EXOC4: variants seen among roughly 807,000 people sequenced by gnomAD.
The protein encoded by EXOC4 is exocyst complex component 4.
In EXOC4, 71 loss-of-function variants were observed where a neutral mutation model predicts 107.2. The ratio of observed to expected loss-of-function variants is 0.66; its 90% CI spans 0.55 to 0.81. The LOEUF is 0.81. Ranked by LOEUF, EXOC4 falls within the 30% of genes least tolerant of loss-of-function variation. EXOC4 has a pLI of 0.00. For synonymous variants in EXOC4, 456 were observed against 441.2 expected, an observed-to-expected ratio of 1.03 and a Z score of -0.42; for missense variants, 1,108 against 1,189.6, an observed-to-expected ratio of 0.93 and a Z score of 1.01.
intron 7 of EXOC4, among the ~76,000 whole-genome samples, chr7:133,394,330 T>G (rs964567230): frequency 1.3e-5 from 2 of 152,228 alleles, no homozygotes; most frequent in African/African-American, 4.8e-5. Context: ...ATTTAAAAAT[T>G]TTTCCTTCAT....
chr7:133,422,653 G>A (rs1227815363), intron 7 of EXOC4, among the ~76,000 whole-genome samples: 1 of 151,986 alleles, frequency 6.6e-6, no homozygotes, highest in African/African-American at 2.4e-5. Flanking sequence ...GGCTCATGGA[G>A]CTCTTCAAAA....
intron 1 of EXOC4, among the ~76,000 whole-genome samples, chr7:133,262,045 C>T (rs1184384605): frequency 3.9e-5 from 6 of 152,166 alleles, no homozygotes; most frequent in Middle Eastern, 3.4e-3. Context: ...TGTTTTGAAA[C>T]GGGTTTTGTT....
intron 12 of EXOC4, among the ~76,000 whole-genome samples, chr7:133,912,767 G>A (rs1209185957): frequency 6.6e-6 from 1 of 152,134 alleles, no homozygotes; most frequent in Non-Finnish European, 1.5e-5. Context: ...AAAAAGTGTA[G>A]TAGGACCAGT....
chr7:133,331,557 T>C (rs1795392893), intron 5 of EXOC4, among the ~76,000 whole-genome samples: 1 of 142,402 alleles, frequency 7.0e-6, no homozygotes, highest in South Asian at 2.3e-4. Flanking sequence ...CTCCGCCCCC[T>C]GGGGTTCATG....
At chr7:133,290,729 C>T (rs1266400851) in intron 3 of EXOC4, among the ~76,000 whole-genome samples, 2 of 152,178 alleles carry the variant, frequency 1.3e-5, no homozygotes, top group Non-Finnish European at 2.9e-5. Context: ...TGAATACTGT[C>T]CCTTTTTTTC....
intron 17 of EXOC4, among the ~76,000 whole-genome samples, chr7:134,026,746 T>TA (rs1262360379): frequency 6.6e-6 from 1 of 152,102 alleles, no homozygotes; most frequent in Non-Finnish European, 1.5e-5. Flanking sequence ...TTGAAATCGT[T>TA]AGAGAAAATG....
At chr7:133,723,704 T>A (rs1256205240) in intron 10 of EXOC4, among the ~76,000 whole-genome samples, 1 of 152,184 alleles carries the variant, frequency 6.6e-6, no homozygotes, top group Non-Finnish European at 1.5e-5. Context: ...TTGGTTGGGC[T>A]GTACTTAGAC....
In EXOC4 at chr7:134,009,316, A is replaced by G. The variant is rs144607810; in HGVS notation, c.2687+1481A>G. The stretch of plus-strand genomic sequence containing the variant: ...CAATTTATGGAGATGATGAAATATT[A>G]TATTACTTCAACAATTGTAAAGACA... On this transcript the variant is annotated intron_variant, in intron 17 of 17. Coordinates refer to ENST00000253861, the MANE Select transcript of EXOC4 (RefSeq NM_021807.4). Among the ~76,000 whole-genome samples, 321 of 152,276 alleles carry G rather than the reference A, an allele frequency of 2.1e-3. 1 individual carries two copies. Among genetic ancestry groups the G allele is most frequent in the African/African-American group, 7.6e-3 (315 of 41,554 alleles).
intron 7 of EXOC4, among the ~76,000 whole-genome samples, chr7:133,447,635 A>C (rs1463807425): frequency 6.6e-6 from 1 of 152,044 alleles, no homozygotes. Flanking sequence ...ATAAATGTAG[A>C]TATGTATATT....
intron 9 of EXOC4, among the ~76,000 whole-genome samples, chr7:133,509,411 G>C (rs988584475): frequency 4.0e-5 from 6 of 151,440 alleles, no homozygotes; most frequent in African/African-American, 2.4e-5. Flanking sequence ...CTGGGCAACA[G>C]AGCAAGACTC....
chr7:133,745,449 A>G (rs917796613), intron 10 of EXOC4, among the ~76,000 whole-genome samples: 6 of 152,106 alleles, frequency 3.9e-5, no homozygotes, highest in African/African-American at 7.2e-5. Flanking sequence ...ATATTAAATG[A>G]CTAACATATA....
At chr7:133,899,967 G>T (rs1334085088) in intron 12 of EXOC4, among the ~76,000 whole-genome samples, 4 of 151,934 alleles carry the variant, frequency 2.6e-5, no homozygotes, top group Non-Finnish European at 4.4e-5. Flanking sequence ...GGCTGGTCTC[G>T]ATCGAATTCC....
rs1685423513 is a variant in EXOC4, at chr7:133,583,076, G to A, written c.1418-46969G>A. 2.6e-5 allele frequency among the ~76,000 whole-genome samples: 4 copies of A among 152,174 alleles called. No individual in the cohort carries two copies. The South Asian group carries it at 8.3e-4, about 32-fold the overall frequency. On this transcript the variant is annotated intron_variant, in intron 9 of 17. Transcript: ENST00000253861. Reference sequence around the variant, plus strand: ...TTTAGTATATTCACTGAGTTGTACAGCCACTGCTCCGTTCTAATTTTACAA... The same window carrying A: ...TTTAGTATATTCACTGAGTTGTACAACCACTGCTCCGTTCTAATTTTACAA...
chr7:133,617,617 G>T (rs17658042), intron 9 of EXOC4, among the ~76,000 whole-genome samples: 21,454 of 152,040 alleles, frequency 0.14, 1,987 homozygotes, highest in Non-Finnish European at 0.2. Context: ...GTGCAACCTG[G>T]GGAGTCTGAC....
At chr7:133,388,802 A>G (rs922128786) in intron 7 of EXOC4, among the ~76,000 whole-genome samples, 10 of 152,220 alleles carry the variant, frequency 6.6e-5, no homozygotes, top group African/African-American at 1.9e-4. Flanking sequence ...TTTGATTAAT[A>G]CATTAAGATT....
chr7:133,964,903 A>G (rs1438320841), intron 14 of EXOC4, among the ~76,000 whole-genome samples: 2 of 152,218 alleles, frequency 1.3e-5, no homozygotes, highest in Non-Finnish European at 2.9e-5. Flanking sequence ...AGGAATCGCC[A>G]CACTGTCTTC....
chr7:133,323,416 C>T (rs548506179), intron 5 of EXOC4, among the ~76,000 whole-genome samples: 9 of 152,086 alleles, frequency 5.9e-5, no homozygotes, highest in South Asian at 2.1e-4. Context: ...GAGTTTTTAG[C>T]GTAAAGGGGT....
At position 133,790,079 on chromosome 7, in the gene EXOC4, T is replaced by C. The variant is rs1286613982; in HGVS notation, c.1515-27246T>C. On this transcript the variant is annotated intron_variant, in intron 10 of 17. Transcript: ENST00000253861. ...AAGCTGCTTCCAGCCTCGTAAATAATGAGCACATAACTAACAGAACCTGAT... is the reference window on the plus strand; with the variant it reads ...AAGCTGCTTCCAGCCTCGTAAATAACGAGCACATAACTAACAGAACCTGAT... Among the ~76,000 whole-genome samples, 4 of 152,184 alleles carry C rather than the reference T, an allele frequency of 2.6e-5. No individual in the cohort carries two copies. The South Asian group carries it at 8.3e-4, about 31-fold the overall frequency.
Position 133,656,383 on chromosome 7 carries a change from GTAT to G in EXOC4, c.1514+26243_1514+26245del, listed in dbSNP as rs1485926153. 1.2e-4 allele frequency among the ~76,000 whole-genome samples: 18 copies of G among 152,070 alleles called. 1 individual carries two copies. Among genetic ancestry groups the G allele is most frequent in the African/African-American group, 4.3e-4 (18 of 41,484 alleles). ...CTTATAAAGCATCCACAGTATGTATGTATGTATGTATATCTGTGTGTGTGTGTA... is the reference window on the plus strand; with the variant it reads ...CTTATAAAGCATCCACAGTATGTATGGTATGTATATCTGTGTGTGTGTGTA... On this transcript the variant is annotated intron_variant, in intron 10 of 17. Coordinates refer to ENST00000253861, the MANE Select transcript of EXOC4 (RefSeq NM_021807.4).
Sources: allele counts gnomAD v4.1 joint callset (sites outside exome capture counted in the v4.1 genomes callset), GRCh38; gene constraint gnomAD v4.1.1; transcripts MANE v1.5; gene names NCBI Gene and HGNC (gene_info 2026-07-23, HGNC 2026-07-21).